Variants in CSMD1 observed in about 807,000 individuals in gnomAD.
CSMD1 encodes CUB and Sushi multiple domains 1.
Under a neutral mutation model 417.5 loss-of-function variants are expected in CSMD1, and 213 were observed. The observed-to-expected ratio is 0.51, with a 90% CI of 0.46 to 0.57. The LOEUF is 0.57. Ranked by LOEUF, CSMD1 falls within the 20% of genes least tolerant of loss-of-function variation. The probability of loss-of-function intolerance (pLI) is 0.00; values close to 1 mark genes in which losing one functional copy is unlikely to be tolerated. For synonymous variants in CSMD1, 2,862 were observed against 1,736.8 expected (o/e 1.65, Z -16.11); for missense variants, 6,923 against 4,529.7 (o/e 1.53, Z -15.17).
intron 3 of CSMD1, among the ~76,000 whole-genome samples, chr8:4,357,677 G>C (rs767635527): frequency 6.6e-6 from 1 of 151,946 alleles, no homozygotes; most frequent in Non-Finnish European, 1.5e-5. Context: ...CTTCATGGTA[G>C]GACTTCAAAA....
At chr8:4,441,769 G>A (rs934489130) in intron 2 of CSMD1, among the ~76,000 whole-genome samples, 18 of 152,092 alleles carry the variant, frequency 1.2e-4, no homozygotes, top group African/African-American at 4.1e-4. Flanking sequence ...CCATTTGACT[G>A]ACTAATCTTG....
chr8:3,194,681 G>A (rs1302240321), intron 33 of CSMD1, among the ~76,000 whole-genome samples: 1 of 151,194 alleles, frequency 6.6e-6, no homozygotes, highest in Non-Finnish European at 1.5e-5. Context: ...TGTTAGCCAC[G>A]CTGGTCTCAA....
At chr8:3,349,563 G>A (rs1338778027) in intron 21 of CSMD1, among the ~76,000 whole-genome samples, 1 of 151,696 alleles carries the variant, frequency 6.6e-6, no homozygotes, top group Non-Finnish European at 1.5e-5. Flanking sequence ...AGGCGGAAGT[G>A]CAGGCAATTG....
At chr8:2,993,347 C>T (rs1585109587) in intron 54 of CSMD1, among the ~76,000 whole-genome samples, 1 of 152,076 alleles carries the variant, frequency 6.6e-6, no homozygotes, top group South Asian at 2.1e-4. Flanking sequence ...TTATATTTTC[C>T]TCCTTCAATG....
chr8:4,879,478 G>A (rs148854928), intron 1 of CSMD1, among the ~76,000 whole-genome samples: 2 of 152,070 alleles, frequency 1.3e-5, no homozygotes, highest in East Asian at 1.9e-4. Context: ...CTTTGAAATA[G>A]CAAATATGAA....
intron 3 of CSMD1, among the ~76,000 whole-genome samples, chr8:4,270,304 TA>T (rs1292294891): frequency 2.0e-5 from 3 of 152,124 alleles, no homozygotes; most frequent in Non-Finnish European, 4.4e-5. Flanking sequence ...TCCCAGTCTT[TA>T]TACTGGTTTT....
chr8:4,706,497 T>A (rs998784544), intron 1 of CSMD1, among the ~76,000 whole-genome samples: 1 of 152,208 alleles, frequency 6.6e-6, no homozygotes, highest in Non-Finnish European at 1.5e-5. Flanking sequence ...AAATATAGCA[T>A]TAAATACTTT....
intron 5 of CSMD1, among the ~76,000 whole-genome samples, chr8:3,987,982 C>A (rs1016886561): frequency 3.9e-5 from 6 of 152,216 alleles, no homozygotes; most frequent in African/African-American, 1.4e-4. Context: ...AACTTTTTAA[C>A]TCAATTTTCT....
intron 5 of CSMD1, among the ~76,000 whole-genome samples, chr8:3,828,998 C>G (rs1802214814): frequency 6.6e-6 from 1 of 152,074 alleles, no homozygotes. Context: ...CAGCTGTTTC[C>G]TCTGTCTACA....
At chr8:4,431,737 C>T (rs550310020) in intron 2 of CSMD1, among the ~76,000 whole-genome samples, 1 of 152,096 alleles carries the variant, frequency 6.6e-6, no homozygotes, top group South Asian at 2.1e-4. Context: ...AATTGTTGTT[C>T]TAACAATTTT....
At chr8:3,434,786 G>C (rs1031073219) in intron 12 of CSMD1, among the ~76,000 whole-genome samples, 3 of 152,208 alleles carry the variant, frequency 2.0e-5, no homozygotes, top group Admixed American at 1.3e-4. Context: ...TCCTGGAACA[G>C]ACAGTTCCTT....
chr8:4,252,761 G>A (rs191083166), intron 3 of CSMD1, among the ~76,000 whole-genome samples: 345 of 152,308 alleles, frequency 2.3e-3, no homozygotes, highest in Non-Finnish European at 3.1e-3. Context: ...GGACTGCAGT[G>A]GCAGACATAC....
chr8:2,999,967 C>G lies in CSMD1; in HGVS notation c.8194G>C (p.Val2732Leu), dbSNP rs765837557. The change falls in exon 53 of 70, where the codon GTC (valine) becomes CTC (leucine). Residue 2732 changes from valine (V) to leucine (L), a missense_variant. Val to Leu is a conservative substitution (Grantham distance 32). Coordinates refer to ENST00000635120, the MANE Select transcript of CSMD1 (RefSeq NM_033225.6). The stretch of plus-strand genomic sequence containing the variant: ...CAAAGAGTGCACTTACGGACACAGA[C>G]AGGCGTTTGTCCAGACCACTTGTGG... Reference protein sequence around the residue: ...QDHKWSGQTPVCVPITCGHPG... With the variant: ...QDHKWSGQTPLCVPITCGHPG... 1.2e-6 allele frequency: 2 copies of G among 1,607,972 alleles called. No individual in the cohort carries two copies. The highest frequency in any genetic ancestry group is 1.7e-5 in the Admixed American group (1 of 58,964).
chr8:3,442,345 A>C (rs952218963), intron 12 of CSMD1, among the ~76,000 whole-genome samples: 2 of 152,158 alleles, frequency 1.3e-5, no homozygotes, highest in African/African-American at 4.8e-5. Context: ...CTAGGCCTTC[A>C]ATTTCAGCCA....
intron 17 of CSMD1, among the ~76,000 whole-genome samples, chr8:3,391,042 T>A (rs978000901): frequency 6.6e-6 from 1 of 152,208 alleles, no homozygotes; most frequent in African/African-American, 2.4e-5. Context: ...CATGTATGCA[T>A]CCATGCGTGT....
rs908391998 is a variant in CSMD1 at position 4,818,825 on chromosome 8, A to G, written c.85+175507T>C. 2.6e-5 allele frequency among the ~76,000 whole-genome samples: 4 copies of G among 152,148 alleles called. No homozygotes were observed. In the South Asian group the frequency reaches 8.3e-4, roughly 31 times the overall value. On this transcript the variant is annotated intron_variant, in intron 1 of 69. Transcript: ENST00000635120. The stretch of plus-strand genomic sequence containing the variant: ...TCATTTCATTAGAGACTCACCATGG[A>G]ATTATGCATTATCATTTTTCCCACT...
At chr8:4,739,322 C>G (rs1169464642) in intron 1 of CSMD1, among the ~76,000 whole-genome samples, 1 of 152,182 alleles carries the variant, frequency 6.6e-6, no homozygotes, top group Non-Finnish European at 1.5e-5. Context: ...GTTGACAGAA[C>G]TAGATATTTT....
At chr8:3,276,763 C>T (rs1209995388) in intron 26 of CSMD1, among the ~76,000 whole-genome samples, 2 of 152,098 alleles carry the variant, frequency 1.3e-5, no homozygotes, top group Non-Finnish European at 2.9e-5. Context: ...AAGAGGTATT[C>T]ATTATGCAAA....
At chr8:4,649,857 A>C (rs1237690161) in intron 1 of CSMD1, among the ~76,000 whole-genome samples, 1 of 152,228 alleles carries the variant, frequency 6.6e-6, no homozygotes, top group Non-Finnish European at 1.5e-5. Context: ...TTTAACAAAT[A>C]AAAGAGGTTT....
Sources: allele counts gnomAD v4.1 joint callset (sites outside exome capture counted in the v4.1 genomes callset), GRCh38; gene constraint gnomAD v4.1.1; transcripts MANE v1.5; gene names NCBI Gene and HGNC (gene_info 2026-07-23, HGNC 2026-07-21).